The following NYAP2 variants were observed in gnomAD, a reference collection of about 807,000 sequenced individuals.
NYAP2 encodes neuronal tyrosine-phosphorylated phosphoinositide-3-kinase adapter 2.
In NYAP2, 23 loss-of-function variants were observed where a neutral mutation model predicts 50.4. The ratio of observed to expected loss-of-function variants is 0.46; its 90% CI spans 0.33 to 0.65. NYAP2 has a LOEUF of 0.65. NYAP2 is among the 30% of genes least tolerant of loss of function. The pLI, the probability that NYAP2 is intolerant of heterozygous loss-of-function variation, is 0.02. For synonymous variants in NYAP2, 394 were observed against 365.2 expected (o/e 1.08, Z -0.90); for missense variants, 885 against 861.0 (o/e 1.03, Z -0.35).
chr2:225,519,777 G>C (rs571130435), intron 4 of NYAP2, among the ~76,000 whole-genome samples: 2 of 152,092 alleles, frequency 1.3e-5, no homozygotes, highest in Admixed American at 6.6e-5. Context: ...AATCCTTTGG[G>C]TATATACCCA....
intron 3 of NYAP2, among the ~76,000 whole-genome samples, chr2:225,501,522 T>C (rs1471339205): frequency 6.6e-6 from 1 of 152,206 alleles, no homozygotes; most frequent in African/African-American, 2.4e-5. Context: ...TTAATGTGCC[T>C]GGGGTCACAA....
At chr2:225,447,808 T>C (rs967131353) in intron 3 of NYAP2, among the ~76,000 whole-genome samples, 31 of 152,214 alleles carry the variant, frequency 2.0e-4, no homozygotes, top group Admixed American at 5.9e-4. Context: ...CTTAATTCAA[T>C]ATTAGCAATT....
chr2:225,442,395 T>G (rs1039340644), intron 3 of NYAP2, among the ~76,000 whole-genome samples: 2 of 152,138 alleles, frequency 1.3e-5, no homozygotes, highest in African/African-American at 2.4e-5. Flanking sequence ...TCACCAAATA[T>G]CTTATATTGC....
At chr2:225,657,803 T>C (rs550320834), downstream of NYAP2, among the ~76,000 whole-genome samples, 12 of 152,226 alleles carry the variant, frequency 7.9e-5, no homozygotes, top group East Asian at 7.7e-4. Flanking sequence ...GTTGGATACA[T>C]TGTCAAGTGT....
intron 4 of NYAP2, among the ~76,000 whole-genome samples, chr2:225,518,462 T>G (rs1690974316): frequency 6.9e-6 from 1 of 145,170 alleles, no homozygotes; most frequent in South Asian, 2.2e-4. Context: ...CAACATATTG[T>G]ATTGAGCATC....
intron 4 of NYAP2, among the ~76,000 whole-genome samples, chr2:225,568,505 AAAATACCCC>A (rs1341188944): frequency 6.6e-6 from 1 of 152,178 alleles, no homozygotes; most frequent in Non-Finnish European, 1.5e-5. Flanking sequence ...GTGTTATTAC[AAAATACCCC>A]AAATTCTGAA....
intron 3 of NYAP2, among the ~76,000 whole-genome samples, chr2:225,468,313 T>G (rs1559188043): frequency 6.6e-6 from 1 of 151,968 alleles, no homozygotes; most frequent in Non-Finnish European, 1.5e-5. Flanking sequence ...TGGAATGATG[T>G]GTTGATAAGC....
chr2:225,448,254 C>T (rs1261100155), intron 3 of NYAP2, among the ~76,000 whole-genome samples: 1 of 152,176 alleles, frequency 6.6e-6, no homozygotes, highest in African/African-American at 2.4e-5. Context: ...TGGGTAGGAG[C>T]TGTAATTCAG....
intron 3 of NYAP2, among the ~76,000 whole-genome samples, chr2:225,429,711 G>A (rs1695338787): frequency 6.6e-6 from 1 of 152,208 alleles, no homozygotes; most frequent in Non-Finnish European, 1.5e-5. Flanking sequence ...GCAGAATCTA[G>A]GGTAAGCCCA....
exon 7 of NYAP2, chr2:225,651,562 T>C (rs80095212): frequency 1.0e-4 from 168 of 1,613,788 alleles, no homozygotes; most frequent in East Asian, 3.8e-4. Context: ...CCAATCGTGA[T>C]TGACTTCCTG....
At chr2:225,539,683 T>A (rs10192497) in intron 4 of NYAP2, among the ~76,000 whole-genome samples, 91,780 of 151,874 alleles carry the variant, frequency 0.6, 28,960 homozygotes, top group African/African-American at 0.79. Context: ...CCACTTTTTG[T>A]TGGGGTTGTT....
At chr2:225,636,679 T>C (rs1023229485) in intron 6 of NYAP2, among the ~76,000 whole-genome samples, 2 of 152,190 alleles carry the variant, frequency 1.3e-5, no homozygotes, top group Non-Finnish European at 2.9e-5. Flanking sequence ...AGTCTTGCAT[T>C]GACCAATAGA....
At chr2:225,506,725 A>G (rs1212279209) in intron 3 of NYAP2, among the ~76,000 whole-genome samples, 2 of 152,196 alleles carry the variant, frequency 1.3e-5, no homozygotes, top group African/African-American at 2.4e-5. Context: ...GTTTCTTTCT[A>G]TTCATTCATA....
intron 2 of NYAP2, among the ~76,000 whole-genome samples, chr2:225,408,319 A>G (rs187751160): frequency 3.3e-5 from 5 of 152,176 alleles, no homozygotes; most frequent in African/African-American, 1.2e-4. Context: ...TTTCTAGAAA[A>G]GTTATATTAG....
At chr2:225,450,033 C>A (rs1309223019) in intron 3 of NYAP2, among the ~76,000 whole-genome samples, 1 of 152,004 alleles carries the variant, frequency 6.6e-6, no homozygotes, top group Non-Finnish European at 1.5e-5. Context: ...CCTGAGGAAT[C>A]AGAGAAAGAT....
At chr2:225,615,621 A>G (rs147698882) in intron 5 of NYAP2, among the ~76,000 whole-genome samples, 2 of 152,316 alleles carry the variant, frequency 1.3e-5, no homozygotes, top group Non-Finnish European at 2.9e-5. Flanking sequence ...AGAGGTGAAC[A>G]CTGCCTGGTG....
At chr2:225,424,683 T>A (rs183471230) in intron 3 of NYAP2, among the ~76,000 whole-genome samples, 2,476 of 152,254 alleles carry the variant, frequency 0.016, 24 homozygotes, top group Non-Finnish European at 0.025. Context: ...TCTGTTTTTT[T>A]AATTTATTTT....
At chr2:225,687,243 T>C in the NYAP2 span, among the ~76,000 whole-genome samples, 1 of 152,118 alleles carries the variant, frequency 6.6e-6, no homozygotes, top group Admixed American at 6.6e-5. Flanking sequence ...TTATTAAGCT[T>C]TAAGGGAATT....
At chr2:225,646,488 T>C (rs570496581) in intron 6 of NYAP2, among the ~76,000 whole-genome samples, 1 of 152,238 alleles carries the variant, frequency 6.6e-6, no homozygotes, top group South Asian at 2.1e-4. Flanking sequence ...GAGGCAGAGA[T>C]TGCGGTGAGC....
Sources: allele counts gnomAD v4.1 joint callset (sites outside exome capture counted in the v4.1 genomes callset), GRCh38; gene constraint gnomAD v4.1.1; transcripts MANE v1.5; gene names NCBI Gene and HGNC (gene_info 2026-07-23, HGNC 2026-07-21).